Variants in RBFOX1 observed in about 807,000 individuals in gnomAD.
The protein encoded by RBFOX1 is RNA binding protein fox-1 homolog 1.
Under a neutral mutation model 57.7 loss-of-function variants are expected in RBFOX1, and 8 were observed. That is an observed-to-expected ratio of 0.14 (90% confidence interval 0.08 to 0.25). RBFOX1 has a LOEUF of 0.25. RBFOX1 is among the 10% of genes least tolerant of loss of function. The probability of loss-of-function intolerance (pLI) is 1.00; values close to 1 mark genes in which losing one functional copy is unlikely to be tolerated. For missense variants in RBFOX1, 611 were observed against 548.5 expected, an observed-to-expected ratio of 1.11 and a Z score of -1.14; for synonymous variants, 326 against 222.4, an observed-to-expected ratio of 1.47 and a Z score of -4.15.
At chr16:6,884,419 G>A (rs1441782840) in intron 3 of RBFOX1, among the ~76,000 whole-genome samples, 1 of 152,112 alleles carries the variant, frequency 6.6e-6, no homozygotes, top group Non-Finnish European at 1.5e-5. Context: ...AAAGGAGTGA[G>A]GACAGTAAAG....
At chr16:6,072,512 T>A (rs541614371) in intron 1 of RBFOX1, among the ~76,000 whole-genome samples, 134 of 152,346 alleles carry the variant, frequency 8.8e-4, no homozygotes, top group Admixed American at 1.8e-3. Flanking sequence ...TTTTAAATTT[T>A]TTTTTGAGAA....
At chr16:7,429,204 G>A (rs114119354) in intron 4 of RBFOX1, among the ~76,000 whole-genome samples, 294 of 152,266 alleles carry the variant, frequency 1.9e-3, no homozygotes, top group African/African-American at 6.7e-3. Context: ...ACATCTACTG[G>A]ACAGAGGCAC....
intron 1 of RBFOX1, among the ~76,000 whole-genome samples, chr16:6,126,981 C>T (rs946188783): frequency 6.6e-6 from 1 of 152,064 alleles, no homozygotes; most frequent in Non-Finnish European, 1.5e-5. Context: ...AGGGTTTCAT[C>T]GATATAGGAT....
At chr16:6,835,752 T>A (rs2093046917) in intron 3 of RBFOX1, among the ~76,000 whole-genome samples, 1 of 76,964 alleles carries the variant, frequency 1.3e-5, no homozygotes, top group Non-Finnish European at 2.5e-5. Flanking sequence ...AGACTCTGCT[T>A]AAAAAAAAAA....
chr16:7,625,294 T>C (rs1051733246), intron 10 of RBFOX1, among the ~76,000 whole-genome samples: 8 of 151,156 alleles, frequency 5.3e-5, no homozygotes, highest in Non-Finnish European at 1.5e-5. Flanking sequence ...TAATGGCGGG[T>C]ATTTGCATAT....
intron 2 of RBFOX1, among the ~76,000 whole-genome samples, chr16:6,434,084 G>A (rs998153944): frequency 1.3e-5 from 2 of 151,996 alleles, no homozygotes; most frequent in Admixed American, 6.6e-5. Flanking sequence ...CTGACCTCAG[G>A]TTATCCACCC....
intron 1 of RBFOX1, among the ~76,000 whole-genome samples, chr16:5,322,116 C>T (rs755947999): frequency 6.6e-6 from 1 of 152,166 alleles, no homozygotes; most frequent in Non-Finnish European, 1.5e-5. Context: ...CATCTGATTC[C>T]AAAGCTCAAG....
chr16:6,267,556 A>G (rs1440567557), intron 1 of RBFOX1, among the ~76,000 whole-genome samples: 2 of 152,216 alleles, frequency 1.3e-5, no homozygotes, highest in Non-Finnish European at 2.9e-5. Flanking sequence ...CAGAGAAGCT[A>G]GAGTCTTATC....
intron 4 of RBFOX1, among the ~76,000 whole-genome samples, chr16:7,445,101 G>T (rs925021090): frequency 7.0e-6 from 1 of 142,058 alleles, no homozygotes; most frequent in African/African-American, 2.9e-5. Context: ...AGCTGGGGAT[G>T]CTTGGTGCTG....
At chr16:6,191,355 A>G (rs1402721074) in intron 1 of RBFOX1, among the ~76,000 whole-genome samples, 1 of 152,080 alleles carries the variant, frequency 6.6e-6, no homozygotes, top group Non-Finnish European at 1.5e-5. Flanking sequence ...TGCCAGAGGA[A>G]GGGGAGGGAT....
intron 2 of RBFOX1, among the ~76,000 whole-genome samples, chr16:6,319,969 T>C (rs2081571569): frequency 6.6e-6 from 1 of 152,152 alleles, no homozygotes; most frequent in Non-Finnish European, 1.5e-5. Context: ...CAATACACCA[T>C]GTCTGTGATT....
intron 2 of RBFOX1, among the ~76,000 whole-genome samples, chr16:6,647,187 G>C (rs1287508633): frequency 6.6e-6 from 1 of 152,166 alleles, no homozygotes; most frequent in African/African-American, 2.4e-5. Flanking sequence ...GAGAGAGAGA[G>C]AGAGAAAATG....
intron 1 of RBFOX1, among the ~76,000 whole-genome samples, chr16:6,213,600 A>T (rs1041039690): frequency 1.3e-5 from 2 of 152,196 alleles, no homozygotes; most frequent in African/African-American, 4.8e-5. Flanking sequence ...TGTTTATAAC[A>T]TGTATTTAAG....
At chr16:7,354,976 AAAT>A (rs2097189696) in intron 4 of RBFOX1, among the ~76,000 whole-genome samples, 1 of 152,218 alleles carries the variant, frequency 6.6e-6, no homozygotes, top group African/African-American at 2.4e-5. Flanking sequence ...GAAACATGAC[AAAT>A]AATGATTATA....
chr16:7,655,491 C>G (rs1465574908), intron 12 of RBFOX1, among the ~76,000 whole-genome samples: 1 of 152,194 alleles, frequency 6.6e-6, no homozygotes, highest in Non-Finnish European at 1.5e-5. Flanking sequence ...TTTTATGTGA[C>G]CATGCAATAT....
At chr16:5,850,259 TCTC>T (rs1396104013) in intron 3 of RBFOX1, among the ~76,000 whole-genome samples, 1 of 151,976 alleles carries the variant, frequency 6.6e-6, no homozygotes, top group Non-Finnish European at 1.5e-5. Context: ...GAGTCTGAAA[TCTC>T]CTGGAGTAAT....
chr16:6,354,902 T>G (rs941306086), intron 2 of RBFOX1, among the ~76,000 whole-genome samples: 1 of 152,160 alleles, frequency 6.6e-6, no homozygotes, highest in Admixed American at 6.5e-5. Flanking sequence ...ACCGTCATCT[T>G]GATATACCAG....
At chr16:6,744,968 C>G (rs1035502417) in intron 3 of RBFOX1, among the ~76,000 whole-genome samples, 1 of 151,784 alleles carries the variant, frequency 6.6e-6, no homozygotes, top group African/African-American at 2.4e-5. Flanking sequence ...GGAGAAGATA[C>G]AAATTACCAA....
At chr16:6,508,169 C>A (rs188573560) in intron 2 of RBFOX1, among the ~76,000 whole-genome samples, 4 of 151,966 alleles carry the variant, frequency 2.6e-5, no homozygotes, top group African/African-American at 9.7e-5. Flanking sequence ...ATGATGAGAA[C>A]GCATGGACAC....
Sources: allele counts gnomAD v4.1 joint callset (sites outside exome capture counted in the v4.1 genomes callset), GRCh38; gene constraint gnomAD v4.1.1; transcripts MANE v1.5; gene names NCBI Gene and HGNC (gene_info 2026-07-23, HGNC 2026-07-21).